The following RPE65 variants were observed in gnomAD, a reference collection of about 807,000 sequenced individuals.
RPE65 encodes retinoid isomerohydrolase.
A neutral mutation model predicts 68.5 loss-of-function variants in RPE65; 58 were observed. The ratio of observed to expected loss-of-function variants is 0.85; its 90% confidence interval spans 0.69 to 1.05. The LOEUF is 1.05. RPE65 is among the 50% of genes least tolerant of loss of function. The pLI is 0.00. For missense variants in RPE65, 643 were observed against 629.9 expected, an observed-to-expected ratio of 1.02 and a Z score of -0.22; for synonymous variants, 220 against 222.2, an observed-to-expected ratio of 0.99 and a Z score of 0.09.
chr1:68,444,929 C>T lies in RPE65; in HGVS notation c.246-46G>A, dbSNP rs3790471. 23,844 of 1,535,756 alleles carry T rather than the reference C, an allele frequency of 0.016. 977 individuals carry two copies. The highest frequency in any genetic ancestry group is 0.14 in the East Asian group (6,296 of 44,468). On this transcript the variant is annotated intron_variant, in intron 3 of 13. Coordinates refer to ENST00000262340, the MANE Select transcript of RPE65 (RefSeq NM_000329.3). The stretch of plus-strand genomic sequence containing the variant: ...GGGAAGAGTATAGACAGGAGCAATC[C>T]GTACAGCCCATGTGGAGCTTAGAAT...
Position 68,429,714 on chromosome 1 carries a change from T to G in RPE65, c.*62A>C. ...CAGGCTAAAATTGAACAGAATTTGATTGCAGACCTGAAGCTGATTTTCTCA... is the reference window on the plus strand; with the variant it reads ...CAGGCTAAAATTGAACAGAATTTGAGTGCAGACCTGAAGCTGATTTTCTCA... On this transcript the variant is annotated 3_prime_UTR_variant, in exon 14 of 14. Transcript: ENST00000262340. The G allele has an allele frequency of 6.2e-7, 1 of 1,604,896 alleles. No homozygotes were observed. Among genetic ancestry groups the G allele is most frequent in the East Asian group, 2.2e-5 (1 of 44,778 alleles).
intron 6 of RPE65, among the ~76,000 whole-genome samples, chr1:68,440,558 T>C (rs1645894907): frequency 6.6e-6 from 1 of 152,226 alleles, no homozygotes; most frequent in Non-Finnish European, 1.5e-5. Flanking sequence ...TTTGCTAAGT[T>C]TGAATCCTAA....
chr1:68,449,779 A>G, intron 1 of RPE65, 116 bp downstream of exon 1: 1 of 1,260,308 alleles, frequency 7.9e-7, no homozygotes, highest in Non-Finnish European at 1.1e-6. Flanking sequence ...ACCAAAATTC[A>G]AGGGTCTTTC....
Position 68,429,688 on chromosome 1 carries a change from G to A in RPE65, c.*88C>T. 1 of 1,538,544 alleles carries A rather than the reference G, an allele frequency of 6.5e-7. No homozygotes were observed. Reference sequence around the variant, plus strand: ...CTGCAAGTTAAAACCATGACATATAGCAGGCTAAAATTGAACAGAATTTGA... The same window carrying A: ...CTGCAAGTTAAAACCATGACATATAACAGGCTAAAATTGAACAGAATTTGA... On this transcript the variant is annotated 3_prime_UTR_variant, in exon 14 of 14. Transcript: ENST00000262340.
intron 10 of RPE65, among the ~76,000 whole-genome samples, chr1:68,434,115 T>TACACAC (rs1226973278): frequency 5.0e-5 from 5 of 99,490 alleles, no homozygotes; most frequent in African/African-American, 1.6e-4. Context: ...TATATATATA[T>TACACAC]ACACACACAC....
chr1:68,436,940 A>C (rs984472801), intron 10 of RPE65, among the ~76,000 whole-genome samples: 1 of 152,126 alleles, frequency 6.6e-6, no homozygotes, highest in African/African-American at 2.4e-5. Context: ...TCAGCTTTGC[A>C]TCTTCATCTC....
At chr1:68,436,395 C>A (rs1245565915) in intron 10 of RPE65, among the ~76,000 whole-genome samples, 1 of 152,090 alleles carries the variant, frequency 6.6e-6, no homozygotes, top group African/African-American at 2.4e-5. Context: ...CAAATTACAT[C>A]TATAAAGTAA....
chr1:68,444,972 T>A lies in RPE65; in HGVS notation c.246-89A>T, dbSNP rs1645931764. ...CTTAGAATGGCCATTCTATGTGTCC[T>A]CATCAAGTCACAATCATAAATGCAC... On this transcript the variant is annotated intron_variant, in intron 3 of 13. Coordinates refer to ENST00000262340, the MANE Select transcript of RPE65 (RefSeq NM_000329.3). 2.7e-5 allele frequency: 28 copies of A among 1,043,440 alleles called. No homozygotes were observed. The South Asian group carries it at 3.6e-4, about 13-fold the overall frequency. The allele number at this position is 1,043,440 out of a possible 1,614,324, so 64.6% of individuals were successfully genotyped here.
intron 3 of RPE65, among the ~76,000 whole-genome samples, chr1:68,445,746 C>T (rs538269211): frequency 6.6e-6 from 1 of 152,178 alleles, no homozygotes; most frequent in East Asian, 1.9e-4. Context: ...AAACTCCTGA[C>T]CTCAAGTGAT....
chr1:68,440,862 G>A lies in RPE65; in HGVS notation c.634C>T (p.Leu212=), dbSNP rs1020549411. 5 of 1,613,868 alleles carry A rather than the reference G, an allele frequency of 3.1e-6. No homozygotes were observed. Among genetic ancestry groups the A allele is most frequent in the Non-Finnish European group, 4.2e-6 (5 of 1,179,882 alleles). ...IAYNIVKIPP[L]QADKEDPISK... ...AGATTGGTAAACTCACCTGCTTGCA[G>A]TGGTGGGATCTTTACAATGTTGTAG... The change falls in exon 6 of 14, where the codon CTG becomes TTG. Residue 212 remains leucine (L), a synonymous_variant. Coordinates refer to ENST00000262340, the MANE Select transcript of RPE65 (RefSeq NM_000329.3).
chr1:68,446,982 G>T, intron 2 of RPE65, 122 bp from the exon 3 acceptor site: 1 of 1,339,804 alleles, frequency 7.5e-7, no homozygotes, highest in Non-Finnish European at 1.1e-6. Flanking sequence ...AGCTGGCAGT[G>T]ATTTTCATTT....
intron 3 of RPE65, among the ~76,000 whole-genome samples, chr1:68,445,880 T>C (rs1446551559): frequency 6.6e-6 from 1 of 151,826 alleles, no homozygotes; most frequent in African/African-American, 2.4e-5. Context: ...TTATCTGAAC[T>C]CCACAGTAAG....
At position 68,444,785 on chromosome 1, in the gene RPE65, A is replaced by G. The variant is rs1645929674; in HGVS notation, c.344T>C (p.Ile115Thr). ...GTTTGGGTTCAGTAACCTGGAAAAT[A>G]TATTCTTGCAGGGATCTGGGAAAGC... ...TCAFPDPCKN[I>T]FSRFFSYFRG... Residue 115 changes from isoleucine (I) to threonine (T), a missense_variant, in exon 4 of 14, where the codon ATA becomes ACA. By Grantham distance (89) the Ile-to-Thr change is moderately conservative. Coordinates refer to ENST00000262340, the MANE Select transcript of RPE65 (RefSeq NM_000329.3). 1.9e-6 allele frequency: 3 copies of G among 1,614,060 alleles called. No individual in the cohort carries two copies. The highest frequency in any genetic ancestry group is 2.5e-6 in the Non-Finnish European group (3 of 1,180,016).
intron 10 of RPE65, among the ~76,000 whole-genome samples, chr1:68,431,991 G>A (rs1156328775): frequency 6.8e-6 from 1 of 147,398 alleles, no homozygotes; most frequent in East Asian, 2.1e-4. Flanking sequence ...ATGAAAGAAT[G>A]TATATTTCGT....
intron 5 of RPE65, among the ~76,000 whole-genome samples, chr1:68,441,986 G>A (rs1313210952): frequency 2.6e-5 from 4 of 152,148 alleles, no homozygotes; most frequent in Non-Finnish European, 5.9e-5. Flanking sequence ...TTCTAGACCC[G>A]TGCTGTTCTA....
chr1:68,429,934 A>T lies in RPE65; in HGVS notation c.1451-7T>A, dbSNP rs773933584. On this transcript the variant is annotated splice_region_variant and splice_polypyrimidine_tract_variant and intron_variant, in intron 13 of 13. Coordinates refer to ENST00000262340, the MANE Select transcript of RPE65 (RefSeq NM_000329.3). ...ACCACACTCAGAACTACACCTGTTT[A>T]TCAGAAGTAAATTAGGCAATATTGA... The T allele has an allele frequency of 6.2e-7, 1 of 1,613,628 alleles. No homozygotes were observed. The highest frequency in any genetic ancestry group is 1.1e-5 in the South Asian group (1 of 91,078).
At chr1:68,431,867 A>C (rs1051589469) in intron 10 of RPE65, among the ~76,000 whole-genome samples, 1 of 152,078 alleles carries the variant, frequency 6.6e-6, no homozygotes, top group Non-Finnish European at 1.5e-5. Context: ...TTAGGGCTCC[A>C]AAGAAAGGCC....
rs1426240927 is a variant in RPE65 at position 68,440,937 on chromosome 1, C to T, written c.559G>A (p.Gly187Arg). ...CAATTACCAATATTGTAAACGGTTC[C>T]ATCATTTTCAATGTGGGGGTGAGCA... The part of the protein sequence containing the change: ...ATAHPHIEND[G>R]TVYNIGNCFG... The change falls in exon 6 of 14, where the codon GGA becomes AGA. Residue 187 changes from glycine (G) to arginine (R), a missense_variant. Physicochemically the swap from Gly to Arg is moderately radical, Grantham distance 125. Transcript: ENST00000262340. The T allele has an allele frequency of 1.9e-6, 3 of 1,613,824 alleles. No homozygotes were observed. Among genetic ancestry groups the T allele is most frequent in the East Asian group, 2.2e-5 (1 of 44,878 alleles).
chr1:68,436,543 A>G (rs1277277543), intron 10 of RPE65, among the ~76,000 whole-genome samples: 1 of 151,896 alleles, frequency 6.6e-6, no homozygotes, highest in South Asian at 2.1e-4. Flanking sequence ...ATCTCGGCTC[A>G]CTGCAACCTC....
Sources: gnomAD v4.1 joint callset for allele counts (sites outside exome capture counted in the v4.1 genomes callset) on GRCh38, gnomAD v4.1.1 for gene constraint, MANE v1.5 for transcripts, NCBI Gene and HGNC (gene_info 2026-07-23, HGNC 2026-07-21) for gene names.